PDZRN4: variants seen among roughly 807,000 people sequenced by gnomAD.
The protein encoded by PDZRN4 is PDZ domain containing ring finger 4, also known as PDZ domain-containing RING finger protein 4.
In PDZRN4, 70 loss-of-function variants were observed where a neutral mutation model predicts 99.0. That is an observed-to-expected ratio of 0.71 (90% CI 0.58 to 0.86). The LOEUF (loss-of-function observed/expected upper bound fraction) is 0.86. Among genes scored for constraint, PDZRN4 ranks in the 40% least tolerant of loss-of-function variants. The probability of loss-of-function intolerance (pLI) is 0.00; values close to 1 mark genes in which losing one functional copy is unlikely to be tolerated. For missense variants in PDZRN4, 1,474 were observed against 1,331.2 expected (o/e 1.11, Z -1.67); for synonymous variants, 551 against 501.6 (o/e 1.10, Z -1.32).
At chr12:41,240,345 C>A (rs1951094206) in intron 3 of PDZRN4, among the ~76,000 whole-genome samples, 1 of 152,116 alleles carries the variant, frequency 6.6e-6, no homozygotes, top group Non-Finnish European at 1.5e-5. Context: ...CCACACAAGG[C>A]CCTGTCTCAA....
At chr12:41,458,563 A>C (rs2120526446) in intron 3 of PDZRN4, among the ~76,000 whole-genome samples, 1 of 152,310 alleles carries the variant, frequency 6.6e-6, no homozygotes, top group South Asian at 2.1e-4. Flanking sequence ...CTATTAACTA[A>C]GTAGGGCAGG....
chr12:41,364,356 T>C (rs758594112), intron 3 of PDZRN4, among the ~76,000 whole-genome samples: 29 of 152,082 alleles, frequency 1.9e-4, no homozygotes, highest in Non-Finnish European at 3.5e-4. Flanking sequence ...ACATGCCTCA[T>C]AGGGATTTTG....
chr12:41,566,861 A>G (rs1939381048), intron 8 of PDZRN4, among the ~76,000 whole-genome samples: 1 of 152,196 alleles, frequency 6.6e-6, no homozygotes, highest in Non-Finnish European at 1.5e-5. Flanking sequence ...AGTTAATTTA[A>G]TCAGCATAGA....
chr12:41,429,166 G>A (rs962207802), intron 3 of PDZRN4, among the ~76,000 whole-genome samples: 3 of 152,066 alleles, frequency 2.0e-5, no homozygotes, highest in Non-Finnish European at 4.4e-5. Flanking sequence ...TAGAGTCATC[G>A]GTAAATCTCT....
At chr12:41,542,472 C>T (rs143423117) in intron 5 of PDZRN4, among the ~76,000 whole-genome samples, 1 of 152,214 alleles carries the variant, frequency 6.6e-6, no homozygotes, top group African/African-American at 2.4e-5. Context: ...AAACGAAGCT[C>T]TCCACCTTGT....
chr12:41,352,708 A>T (rs1451955862), intron 3 of PDZRN4, among the ~76,000 whole-genome samples: 1 of 152,094 alleles, frequency 6.6e-6, no homozygotes, highest in Non-Finnish European at 1.5e-5. Context: ...TTCAGAATTT[A>T]ATTTAAAACC....
At chr12:41,476,135 G>A (rs1253558415) in intron 3 of PDZRN4, among the ~76,000 whole-genome samples, 1 of 152,146 alleles carries the variant, frequency 6.6e-6, no homozygotes, top group Non-Finnish European at 1.5e-5. Flanking sequence ...TAGTATCCCT[G>A]TAAGTACATG....
intron 3 of PDZRN4, among the ~76,000 whole-genome samples, chr12:41,241,163 A>G (rs1951099466): frequency 2.0e-5 from 3 of 152,150 alleles, no homozygotes; most frequent in African/African-American, 7.2e-5. Context: ...CTTTATGGGT[A>G]CAGTATCCCT....
Position 41,541,485 on chromosome 12 carries a change from G to A in PDZRN4, c.1204-11171G>A, listed in dbSNP as rs2120768758. On this transcript the variant is annotated intron_variant, in intron 5 of 9. Coordinates refer to ENST00000402685, the MANE Select transcript of PDZRN4 (RefSeq NM_001164595.2). ...TTTTTTTGAGACGGAGTCTTGCTCT[G>A]TCGCCCAGGCTGGAGTGGAGTGCAG... Among the ~76,000 whole-genome samples, 4 of 137,452 alleles carry A rather than the reference G, an allele frequency of 2.9e-5. No individual in the cohort carries two copies. The Middle Eastern group carries it at 0.016, about 545-fold the overall frequency. 90.2% of individuals were successfully genotyped at this position (137,452 alleles called of 152,430 possible). A position where few individuals can be genotyped will look rare whatever the true frequency, so the allele number is the denominator to read the frequency against.
At chr12:41,328,936 C>A (rs1951726463) in intron 3 of PDZRN4, among the ~76,000 whole-genome samples, 1 of 152,084 alleles carries the variant, frequency 6.6e-6, no homozygotes, top group Non-Finnish European at 1.5e-5. Flanking sequence ...CTCCAGGAAG[C>A]AGCTTTCACA....
intron 3 of PDZRN4, among the ~76,000 whole-genome samples, chr12:41,466,681 A>G (rs1827967237): frequency 1.3e-5 from 2 of 151,772 alleles, no homozygotes; most frequent in African/African-American, 4.8e-5. Context: ...GGTTGGACAA[A>G]GTAATTCATT....
intron 3 of PDZRN4, among the ~76,000 whole-genome samples, chr12:41,214,468 G>A (rs1002162789): frequency 1.0e-5 from 1 of 96,212 alleles, no homozygotes; most frequent in African/African-American, 3.2e-5. Context: ...ATTTGGGACT[G>A]TTGAGAAATT....
chr12:41,265,315 T>C (rs1951268930), intron 3 of PDZRN4, among the ~76,000 whole-genome samples: 1 of 152,216 alleles, frequency 6.6e-6, no homozygotes, highest in Non-Finnish European at 1.5e-5. Context: ...ACCCAAGTTA[T>C]ATTTCTAAGT....
intron 3 of PDZRN4, among the ~76,000 whole-genome samples, chr12:41,367,973 A>G (rs1463696547): frequency 6.6e-6 from 1 of 152,098 alleles, no homozygotes; most frequent in Non-Finnish European, 1.5e-5. Context: ...TATGCACCAT[A>G]GTACAGAGTA....
intron 3 of PDZRN4, among the ~76,000 whole-genome samples, chr12:41,276,432 TG>T (rs1326659753): frequency 6.6e-6 from 1 of 152,088 alleles, no homozygotes; most frequent in Non-Finnish European, 1.5e-5. Flanking sequence ...CAGATAGACC[TG>T]GGGATTATTT....
chr12:41,415,263 A>T (rs1259008256), intron 3 of PDZRN4, among the ~76,000 whole-genome samples: 1 of 151,668 alleles, frequency 6.6e-6, no homozygotes, highest in Admixed American at 6.6e-5. Context: ...AAATGTAGAC[A>T]TATGGGTGGA....
chr12:41,282,348 A>G (rs1951392680), intron 3 of PDZRN4, among the ~76,000 whole-genome samples: 1 of 152,264 alleles, frequency 6.6e-6, no homozygotes. Context: ...TGCACCCAAT[A>G]CAGGAGCACT....
At chr12:41,551,723 A>G (rs1939059659) in intron 5 of PDZRN4, among the ~76,000 whole-genome samples, 1 of 152,152 alleles carries the variant, frequency 6.6e-6, no homozygotes, top group African/African-American at 2.4e-5. Context: ...TTCTTCATCC[A>G]ATTATTTACT....
At chr12:41,454,477 T>C (rs1489125012) in intron 3 of PDZRN4, among the ~76,000 whole-genome samples, 2 of 152,194 alleles carry the variant, frequency 1.3e-5, no homozygotes, top group Non-Finnish European at 1.5e-5. Context: ...GGCCAAATAA[T>C]AAATAAATAA....
Sources: gnomAD v4.1 joint callset for allele counts (sites outside exome capture counted in the v4.1 genomes callset) on GRCh38, gnomAD v4.1.1 for gene constraint, MANE v1.5 for transcripts, NCBI Gene and HGNC (gene_info 2026-07-23, HGNC 2026-07-21) for gene names.